MGLL: variants seen among roughly 807,000 people sequenced by gnomAD.
MGLL encodes the protein lysophospholipase homolog.
In MGLL, 7 loss-of-function variants were observed where a neutral mutation model predicts 29.1. The observed-to-expected ratio is 0.24, with a 90% CI of 0.14 to 0.45. The LOEUF (loss-of-function observed/expected upper bound fraction) is 0.45. MGLL is among the 20% of genes least tolerant of loss of function. MGLL has a pLI of 0.99. For synonymous variants in MGLL, 148 were observed against 168.3 expected (o/e 0.88, Z 0.93); for missense variants, 356 against 413.6 (o/e 0.86, Z 1.21).
chr3:127,818,026 T>G (rs984474276), intron 2 of MGLL, among the ~76,000 whole-genome samples: 1 of 152,224 alleles, frequency 6.6e-6, no homozygotes, highest in Non-Finnish European at 1.5e-5. Context: ...AGTGGTGCGA[T>G]CTCCGCTCAC....
At chr3:127,786,776 G>C (rs543546173) in intron 2 of MGLL, among the ~76,000 whole-genome samples, 100 of 152,296 alleles carry the variant, frequency 6.6e-4, no homozygotes, top group Admixed American at 6.5e-4. Flanking sequence ...GCAATGTCGC[G>C]AGGTAAATAA....
chr3:127,720,653 ATGCAGTTAGGAGTGCC>A (rs1389684697), intron 5 of MGLL, among the ~76,000 whole-genome samples: 1 of 152,232 alleles, frequency 6.6e-6, no homozygotes, highest in African/African-American at 2.4e-5. Context: ...TCCATACTGC[ATGCAGTTAGGAGTGCC>A]TGCAGTTCCA....
chr3:127,806,104 A>AC (rs1182604077), intron 2 of MGLL, among the ~76,000 whole-genome samples: 1 of 152,212 alleles, frequency 6.6e-6, no homozygotes, highest in Non-Finnish European at 1.5e-5. Flanking sequence ...TTCTAAATGC[A>AC]CTGAATGGCC....
intron 2 of MGLL, among the ~76,000 whole-genome samples, chr3:127,790,026 A>G (rs1246713084): frequency 6.6e-6 from 1 of 152,206 alleles, no homozygotes; most frequent in Non-Finnish European, 1.5e-5. Context: ...TAAAGTGACA[A>G]TCACCCTGAT....
In MGLL at chr3:127,718,539, A is replaced by C. The variant is rs376885849; in HGVS notation, c.510+2514T>G. Reference sequence around the variant, plus strand: ...GCAGTGGGACCCTTGGTAGGTCCTGATGGGGAAGGAGCACCAAAAGGTTGC... The same window carrying C: ...GCAGTGGGACCCTTGGTAGGTCCTGCTGGGGAAGGAGCACCAAAAGGTTGC... On this transcript the variant is annotated intron_variant, in intron 5 of 7. Coordinates refer to ENST00000265052, the MANE Select transcript of MGLL (RefSeq NM_007283.7). Among the ~76,000 whole-genome samples, 36 of 152,318 alleles carry C rather than the reference A, an allele frequency of 2.4e-4. No homozygotes were observed. In the South Asian group the frequency reaches 7.5e-3, roughly 32 times the overall value.
At chr3:127,709,861 CCAAG>C (rs1009045884) in intron 6 of MGLL, among the ~76,000 whole-genome samples, 1 of 152,214 alleles carries the variant, frequency 6.6e-6, no homozygotes, top group Non-Finnish European at 1.5e-5. Context: ...CTGGCTGACC[CCAAG>C]CAAGTCATCC....
chr3:127,789,325 G>A lies in MGLL; in HGVS notation c.156-7430C>T, dbSNP rs555576955. Among the ~76,000 whole-genome samples the A allele has an allele frequency of 2.6e-5, 4 of 152,302 alleles. No individual in the cohort carries two copies. The East Asian group carries it at 5.8e-4, about 22-fold the overall frequency. On this transcript the variant is annotated intron_variant, in intron 2 of 7. Coordinates refer to ENST00000265052, the MANE Select transcript of MGLL (RefSeq NM_007283.7). Reference sequence around the variant, plus strand: ...GTGAAAAGGCCCGGGACCCATCTACGGCTGGAAGGAAAATTTGAGATTTGG... The same window carrying A: ...GTGAAAAGGCCCGGGACCCATCTACAGCTGGAAGGAAAATTTGAGATTTGG...
intron 2 of MGLL, among the ~76,000 whole-genome samples, chr3:127,809,796 G>C (rs1213815688): frequency 6.6e-6 from 1 of 152,126 alleles, no homozygotes; most frequent in African/African-American, 2.4e-5. Flanking sequence ...CCTTGAGCCA[G>C]GTGGCCTGTG....
intron 2 of MGLL, among the ~76,000 whole-genome samples, chr3:127,817,026 C>T (rs1406537149): frequency 6.6e-6 from 1 of 152,194 alleles, no homozygotes; most frequent in Non-Finnish European, 1.5e-5. Flanking sequence ...CAGCTCAGAC[C>T]GGTGGAGCTG....
At chr3:127,727,704 TAA>T (rs1177079179) in intron 3 of MGLL, among the ~76,000 whole-genome samples, 11,188 of 80,370 alleles carry the variant, frequency 0.14, 451 homozygotes, top group African/African-American at 0.21. Flanking sequence ...AGAGCAAGGC[TAA>T]AAAAAAAAAA....
chr3:127,821,929 T>A lies in MGLL; in HGVS notation c.11-91A>T, dbSNP rs1427737129. 2.8e-6 allele frequency: 4 copies of A among 1,408,208 alleles called. No homozygotes were observed. The African/African-American group carries it at 5.8e-5, about 20-fold the overall frequency. 87.2% of individuals were successfully genotyped at this position (1,408,208 alleles called of 1,614,324 possible). On this transcript the variant is annotated intron_variant, in intron 1 of 7. Transcript: ENST00000265052. ...AAAGTCTAGTTCAGAGTCAGTAACA[T>A]TTTTTTAAAAGCAGTTTAAAAAACC... is the stretch of plus-strand genomic sequence containing the variant.
chr3:127,759,232 CTATT>C (rs1234246082), intron 3 of MGLL, among the ~76,000 whole-genome samples: 4 of 152,298 alleles, frequency 2.6e-5, no homozygotes, highest in African/African-American at 9.6e-5. Context: ...GCCCTGGCAG[CTATT>C]TCTCACAGCG....
intron 6 of MGLL, among the ~76,000 whole-genome samples, chr3:127,697,646 G>A (rs933769843): frequency 2.0e-5 from 3 of 152,212 alleles, no homozygotes; most frequent in African/African-American, 7.2e-5. Flanking sequence ...CTGGCCAATA[G>A]AAAGCAGGCA....
chr3:127,756,513 C>T (rs6439082), intron 3 of MGLL, among the ~76,000 whole-genome samples: 29,385 of 152,074 alleles, frequency 0.19, 3,194 homozygotes, highest in East Asian at 0.32. Flanking sequence ...CACCCATCCC[C>T]GATCAGCCCT....
chr3:127,775,116 G>A (rs2077011585), intron 3 of MGLL, among the ~76,000 whole-genome samples: 1 of 152,234 alleles, frequency 6.6e-6, no homozygotes, highest in East Asian at 1.9e-4. Flanking sequence ...GCAAGGGGAC[G>A]AAGGGAATGA....
intron 6 of MGLL, among the ~76,000 whole-genome samples, chr3:127,700,929 C>T (rs1048969944): frequency 1.3e-4 from 20 of 152,002 alleles, no homozygotes; most frequent in Non-Finnish European, 7.4e-5. Context: ...AAGAATGTAC[C>T]GTAGCCTGGG....
At chr3:127,704,847 A>G (rs2075568366) in intron 6 of MGLL, among the ~76,000 whole-genome samples, 1 of 152,192 alleles carries the variant, frequency 6.6e-6, no homozygotes, top group South Asian at 2.1e-4. Context: ...CATTTGACCC[A>G]GCAATCCCTT....
chr3:127,697,561 G>C (rs1416920031), intron 6 of MGLL, among the ~76,000 whole-genome samples: 1 of 152,030 alleles, frequency 6.6e-6, no homozygotes, highest in African/African-American at 2.4e-5. Context: ...TGTTTCCTTC[G>C]GTACACAACT....
chr3:127,817,974 T>G (rs975821961), intron 2 of MGLL, among the ~76,000 whole-genome samples: 4 of 152,238 alleles, frequency 2.6e-5, no homozygotes, highest in Non-Finnish European at 5.9e-5. Flanking sequence ...CCTTTTTCTT[T>G]TTTTGAGATG....
Sources: allele counts gnomAD v4.1 joint callset (sites outside exome capture counted in the v4.1 genomes callset), GRCh38; gene constraint gnomAD v4.1.1; transcripts MANE v1.5; gene names NCBI Gene and HGNC (gene_info 2026-07-23, HGNC 2026-07-21).